The following CHST11 variants were observed in gnomAD, a reference collection of about 807,000 sequenced individuals.
CHST11 encodes C4S-1.
In CHST11, 9 loss-of-function variants were observed where a neutral mutation model predicts 30.4. That is an observed-to-expected ratio of 0.30 (90% CI 0.18 to 0.52). The LOEUF is 0.52. Among genes scored for constraint, CHST11 ranks in the 20% least tolerant of loss-of-function variants. The pLI is 0.97. For synonymous variants in CHST11, 152 were observed against 187.8 expected (o/e 0.81, Z 1.56); for missense variants, 348 against 460.6 (o/e 0.76, Z 2.24).
In CHST11 at chr12:104,697,492, G is replaced by A. The variant is rs74997155; in HGVS notation, c.205-59457G>A. Among the ~76,000 whole-genome samples, 1,206 of 152,276 alleles carry A rather than the reference G, an allele frequency of 7.9e-3. 12 individuals carry two copies. The highest frequency in any genetic ancestry group is 0.017 in the Middle Eastern group (5 of 294). On this transcript the variant is annotated intron_variant, in intron 2 of 2. Transcript: ENST00000303694. ...GTTCTCCGGCCCTCGTATCCAGACT[G>A]AATCTCACCACCAGCTTTCCTGGTT...
intron 1 of CHST11, among the ~76,000 whole-genome samples, chr12:104,590,693 G>A (rs564974347): frequency 1.3e-5 from 2 of 151,796 alleles, no homozygotes; most frequent in Non-Finnish European, 1.5e-5. Context: ...AGACTGAGGC[G>A]GGCAGATCAC....
At chr12:104,728,166 G>A (rs545011155) in intron 2 of CHST11, among the ~76,000 whole-genome samples, 4 of 152,312 alleles carry the variant, frequency 2.6e-5, no homozygotes, top group African/African-American at 9.6e-5. Context: ...CTTTAATTGG[G>A]TAAGTGGTTC....
intron 1 of CHST11, among the ~76,000 whole-genome samples, chr12:104,553,807 T>C (rs968339871): frequency 5.3e-5 from 8 of 152,212 alleles, no homozygotes; most frequent in Non-Finnish European, 8.8e-5. Flanking sequence ...TAACAAATTG[T>C]CACAAATCTG....
At chr12:104,584,516 C>T (rs1298458900) in intron 1 of CHST11, among the ~76,000 whole-genome samples, 4 of 152,140 alleles carry the variant, frequency 2.6e-5, no homozygotes, top group African/African-American at 4.8e-5. Flanking sequence ...CTCAGCCTCC[C>T]AAAGTGCTGG....
chr12:104,668,341 T>C (rs2039660172), intron 2 of CHST11, among the ~76,000 whole-genome samples: 3 of 152,186 alleles, frequency 2.0e-5, no homozygotes, highest in Admixed American at 2.0e-4. Context: ...GATTATGTCA[T>C]TATCCAGTTT....
At chr12:104,483,845 C>T (rs1422498882) in intron 1 of CHST11, among the ~76,000 whole-genome samples, 3 of 152,120 alleles carry the variant, frequency 2.0e-5, no homozygotes, top group Non-Finnish European at 2.9e-5. Context: ...GACTGTGGCT[C>T]TTCTTACCTG....
chr12:104,697,157 G>C (rs1308594773), intron 2 of CHST11, among the ~76,000 whole-genome samples: 6 of 152,224 alleles, frequency 3.9e-5, no homozygotes, highest in Non-Finnish European at 7.3e-5. Flanking sequence ...CCCGCCAGCA[G>C]TGGATGGGGA....
chr12:104,481,590 G>A (rs1393836288), intron 1 of CHST11, among the ~76,000 whole-genome samples: 3 of 152,026 alleles, frequency 2.0e-5, no homozygotes, highest in African/African-American at 4.8e-5. Context: ...ATTCTCTCAC[G>A]CGTCGATGGG....
chr12:104,488,689 G>A (rs962632333), intron 1 of CHST11, among the ~76,000 whole-genome samples: 4 of 149,182 alleles, frequency 2.7e-5, no homozygotes, highest in African/African-American at 1.0e-4. Context: ...GTCTGTGTAT[G>A]CGTATGTGTG....
chr12:104,480,554 G>T (rs2037610782), intron 1 of CHST11, among the ~76,000 whole-genome samples: 1 of 146,900 alleles, frequency 6.8e-6, no homozygotes, highest in Admixed American at 6.9e-5. Flanking sequence ...CCCCAGCCTG[G>T]GCTACAGAGC....
At chr12:104,491,033 T>C (rs910070377) in intron 1 of CHST11, among the ~76,000 whole-genome samples, 2 of 148,530 alleles carry the variant, frequency 1.3e-5, no homozygotes, top group African/African-American at 4.9e-5. Context: ...TTTTTTTTTT[T>C]GATCTCCGTC....
intron 2 of CHST11, among the ~76,000 whole-genome samples, chr12:104,694,246 C>T (rs1326550660): frequency 6.6e-6 from 1 of 152,148 alleles, no homozygotes; most frequent in African/African-American, 2.4e-5. Context: ...TCAAACCTAC[C>T]TCCACTCTCC....
At chr12:104,685,978 A>G (rs1235007930) in intron 2 of CHST11, among the ~76,000 whole-genome samples, 6 of 152,140 alleles carry the variant, frequency 3.9e-5, no homozygotes, top group African/African-American at 1.4e-4. Flanking sequence ...AATAATCACA[A>G]CACTTTAGGA....
rs920139631 is a variant in CHST11 at position 104,682,393 on chromosome 12, A to G, written c.205-74556A>G. On this transcript the variant is annotated intron_variant, in intron 2 of 2. Transcript: ENST00000303694. ...AAACTGAGTAGAGGCAGCAGCACACAAAAGAAAAGATCAGTAATATTCTAT... is the reference window on the plus strand; with the variant it reads ...AAACTGAGTAGAGGCAGCAGCACACGAAAGAAAAGATCAGTAATATTCTAT... Among the ~76,000 whole-genome samples, 13 of 152,366 alleles carry G rather than the reference A, an allele frequency of 8.5e-5. 1 individual carries two copies. The highest frequency in any genetic ancestry group is 7.8e-4 in the Admixed American group (12 of 15,312).
intron 2 of CHST11, among the ~76,000 whole-genome samples, chr12:104,716,945 C>A (rs2040136221): frequency 6.6e-6 from 1 of 152,208 alleles, no homozygotes; most frequent in African/African-American, 2.4e-5. Context: ...GCTTCGGGGG[C>A]CACCTTCATT....
chr12:104,665,810 C>CTT (rs1566029057), intron 2 of CHST11, among the ~76,000 whole-genome samples: 3 of 115,858 alleles, frequency 2.6e-5, no homozygotes, highest in Admixed American at 9.3e-5. Flanking sequence ...CTCTCTCTGT[C>CTT]TCTTTTTTTT....
At chr12:104,558,829 G>A (rs1468005675) in intron 1 of CHST11, among the ~76,000 whole-genome samples, 10 of 152,124 alleles carry the variant, frequency 6.6e-5, no homozygotes, top group East Asian at 1.9e-4. Flanking sequence ...TTGAGTCACC[G>A]CACCTGGCCT....
At chr12:104,755,928 T>C (rs2040471508) in intron 2 of CHST11, among the ~76,000 whole-genome samples, 2 of 151,664 alleles carry the variant, frequency 1.3e-5, no homozygotes, top group Admixed American at 6.6e-5. Flanking sequence ...CCTCCGGTTA[T>C]GAAAGGGTGA....
At chr12:104,706,465 G>A (rs956549668) in intron 2 of CHST11, among the ~76,000 whole-genome samples, 5 of 149,522 alleles carry the variant, frequency 3.3e-5, no homozygotes, top group Non-Finnish European at 7.5e-5. Flanking sequence ...TGGAGAGGGA[G>A]AGAGAGAGAG....
Sources: allele counts gnomAD v4.1 joint callset (sites outside exome capture counted in the v4.1 genomes callset), GRCh38; gene constraint gnomAD v4.1.1; transcripts MANE v1.5; gene names NCBI Gene and HGNC (gene_info 2026-07-23, HGNC 2026-07-21).